Variants in NARS2 observed in about 807,000 individuals in gnomAD.
The protein encoded by NARS2 is asparaginyl-tRNA synthetase 2, mitochondrial.
A neutral mutation model predicts 62.9 loss-of-function variants in NARS2; 60 were observed. The ratio of observed to expected loss-of-function variants is 0.95; its 90% confidence interval spans 0.77 to 1.18. The LOEUF (loss-of-function observed/expected upper bound fraction) is 1.18, where lower values mean the gene tolerates loss of function less well. Among genes scored for constraint, NARS2 ranks in the 50% most tolerant of loss-of-function variants. The pLI, the probability that NARS2 is intolerant of heterozygous loss-of-function variation, is 0.00. For synonymous variants in NARS2, 196 were observed against 200.0 expected, an observed-to-expected ratio of 0.98 and a Z score of 0.17; for missense variants, 619 against 576.4, an observed-to-expected ratio of 1.07 and a Z score of -0.76.
chr11:78,542,393 A>C (rs1855653616), intron 5 of NARS2, among the ~76,000 whole-genome samples: 1 of 152,262 alleles, frequency 6.6e-6, no homozygotes, highest in South Asian at 2.1e-4. Context: ...CAGCAAACTT[A>C]TTCCTAAATG....
rs1222163214 is a variant in NARS2 at position 78,436,620 on chromosome 11, T to C, written c.*50A>G. The C allele has an allele frequency of 6.3e-6, 10 of 1,599,504 alleles. No homozygotes were observed. The highest frequency in any genetic ancestry group is 5.1e-5 in the Admixed American group (3 of 59,222). On this transcript the variant is annotated 3_prime_UTR_variant, in exon 14 of 14. Coordinates refer to ENST00000281038, the MANE Select transcript of NARS2 (RefSeq NM_024678.6). ...ATGCATTCTGCTGTATGCACAATCATGTGCAGTGTCTCTGCCATGGGGGGT... is the reference window on the plus strand; with the variant it reads ...ATGCATTCTGCTGTATGCACAATCACGTGCAGTGTCTCTGCCATGGGGGGT...
At position 78,566,289 on chromosome 11, in the gene NARS2, A is replaced by G. The variant is rs370341475; in HGVS notation, c.373-17T>C. 161 of 1,564,656 alleles carry G rather than the reference A, an allele frequency of 1.0e-4. No homozygotes were observed. Among genetic ancestry groups the G allele is most frequent in the Non-Finnish European group, 1.3e-4 (155 of 1,152,260 alleles). Reference sequence around the variant, plus strand: ...GGGGAAATCCTGCCAATAAATGAAAAGAACAAATTAGAAGTCAAAAGAGAT... The same window carrying G: ...GGGGAAATCCTGCCAATAAATGAAAGGAACAAATTAGAAGTCAAAAGAGAT... On this transcript the variant is annotated splice_polypyrimidine_tract_variant and intron_variant, in intron 3 of 13. Transcript: ENST00000281038.
chr11:78,549,058 A>C (rs1346713217), intron 5 of NARS2, among the ~76,000 whole-genome samples: 4 of 152,178 alleles, frequency 2.6e-5, no homozygotes, highest in Non-Finnish European at 5.9e-5. Flanking sequence ...TCTCACAGCC[A>C]CCTGTAGCTG....
Position 78,478,489 on chromosome 11 carries a change from CAAAA to C in NARS2, c.922-18_922-15del. The C allele has an allele frequency of 8.3e-7, 1 of 1,199,116 alleles. No individual in the cohort carries two copies. Among genetic ancestry groups the C allele is most frequent in the Non-Finnish European group, 1.1e-6 (1 of 875,640 alleles). 74.3% of individuals were successfully genotyped at this position (1,199,116 alleles called of 1,614,324 possible). On this transcript the variant is annotated splice_polypyrimidine_tract_variant and intron_variant, in intron 8 of 13. Transcript: ENST00000281038. ...TTCTAATCTGTCCTTAATAAAAAGA[CAAAA>C]AAGAAAATTTTAAAAATATAATTTT...
Position 78,574,472 on chromosome 11 carries a change from C to G in NARS2, c.17G>C (p.Cys6Ser), listed in dbSNP as rs779479776. Reference protein sequence around the residue: MLGVRCLLRSVRFCSS... With the variant: MLGVRSLLRSVRFCSS... ...ACAGAAGCGCACGGACCGCAGCAGG[C>G]AGCGGACCCCCAGCATCCCGCGTCC... The change falls in exon 1 of 14, where the codon TGC (cysteine) becomes TCC (serine). Residue 6 changes from cysteine to serine, a missense_variant. Coordinates refer to ENST00000281038, the MANE Select transcript of NARS2 (RefSeq NM_024678.6). 1.2e-6 allele frequency: 2 copies of G among 1,612,742 alleles called. No homozygotes were observed. The highest frequency in any genetic ancestry group is 8.5e-7 in the Non-Finnish European group (1 of 1,179,534).
intron 6 of NARS2, among the ~76,000 whole-genome samples, chr11:78,494,580 T>C (rs1415054685): frequency 6.6e-6 from 1 of 150,966 alleles, no homozygotes; most frequent in African/African-American, 2.4e-5. Flanking sequence ...TAAGACCCAA[T>C]TGGTAGAAGC....
At chr11:78,528,045 G>A (rs1861352179) in intron 6 of NARS2, among the ~76,000 whole-genome samples, 1 of 152,098 alleles carries the variant, frequency 6.6e-6, no homozygotes, top group Non-Finnish European at 1.5e-5. Flanking sequence ...TAGAGTTTGA[G>A]ATCAGCCTTG....
At chr11:78,549,178 T>C (rs888713868) in intron 5 of NARS2, among the ~76,000 whole-genome samples, 2 of 152,180 alleles carry the variant, frequency 1.3e-5, no homozygotes, top group African/African-American at 2.4e-5. Context: ...CTGAGAACAC[T>C]AGGGTCCTGA....
Position 78,574,439 on chromosome 11 carries a change from G to A in NARS2, c.50C>T (p.Ala17Val), listed in dbSNP as rs774098371. The A allele has an allele frequency of 1.8e-5, 29 of 1,614,150 alleles. No homozygotes were observed. Among genetic ancestry groups the A allele is most frequent in the Non-Finnish European group, 2.1e-5 (25 of 1,180,026 alleles). ...LLRSVRFCSS[A>V]PFPKHKPSAK... ...TGAAGGTTTGTGCTTGGGGAAGGGG[G>A]CGGAGGAACAGAAGCGCACGGACCG... The change falls in exon 1 of 14, where the codon GCC (alanine) becomes GTC (valine). Residue 17 changes from alanine (A) to valine (V), a missense_variant. Transcript: ENST00000281038.
chr11:78,559,238 G>T (rs1293085964), intron 5 of NARS2, among the ~76,000 whole-genome samples: 2 of 137,074 alleles, frequency 1.5e-5, no homozygotes, highest in Non-Finnish European at 1.5e-5. Context: ...TAGAGGCGGA[G>T]GTTGCAGTGA....
chr11:78,574,315 A>C, intron 1 of NARS2, 33 bp downstream of exon 1: 1 of 1,614,148 alleles, frequency 6.2e-7, no homozygotes, highest in South Asian at 1.1e-5. Context: ...AAGTCCCTAC[A>C]AGAAAAAACC....
At chr11:78,545,879 G>C (rs1464418073) in intron 5 of NARS2, among the ~76,000 whole-genome samples, 1 of 151,958 alleles carries the variant, frequency 6.6e-6, no homozygotes, top group African/African-American at 2.4e-5. Context: ...AGCTTTCCTT[G>C]ACCATCCAAT....
chr11:78,459,064 G>A lies in NARS2; in HGVS notation c.1164+6812C>T, dbSNP rs536528129. 4.6e-5 allele frequency among the ~76,000 whole-genome samples: 7 copies of A among 152,074 alleles called. No homozygotes were observed. In the South Asian group the frequency reaches 1.5e-3, roughly 32 times the overall value. ...TCCCGAGCTGGGACTACAGGTGCCT[G>A]CCACCATGCCTGGCTACTTTTTGTA... On this transcript the variant is annotated intron_variant, in intron 11 of 13. Coordinates refer to ENST00000281038, the MANE Select transcript of NARS2 (RefSeq NM_024678.6).
intron 4 of NARS2, among the ~76,000 whole-genome samples, chr11:78,564,359 C>T (rs1170164463): frequency 6.6e-6 from 1 of 151,700 alleles, no homozygotes; most frequent in Non-Finnish European, 1.5e-5. Flanking sequence ...CCATGCCTGG[C>T]TAATTATTTT....
At position 78,528,822 on chromosome 11, in the gene NARS2, G is replaced by T; in HGVS notation, c.689+20C>A. On this transcript the variant is annotated intron_variant, in intron 6 of 13. Coordinates refer to ENST00000281038, the MANE Select transcript of NARS2 (RefSeq NM_024678.6). ...CAAACCATAATATATCAAAGCAAAAGAGAAAGGAAAATTTCATACCCTGAC... is the reference window on the plus strand; with the variant it reads ...CAAACCATAATATATCAAAGCAAAATAGAAAGGAAAATTTCATACCCTGAC... 1 of 1,544,960 alleles carries T rather than the reference G, an allele frequency of 6.5e-7. No homozygotes were observed. The highest frequency in any genetic ancestry group is 1.1e-5 in the South Asian group (1 of 89,510).
chr11:78,559,746 A>C, intron 4 of NARS2, 127 bp from the exon 5 acceptor site: 1 of 620,862 alleles, frequency 1.6e-6, no homozygotes, highest in South Asian at 2.0e-5. Flanking sequence ...TAATCCCCTA[A>C]ATATTAAGAC....
chr11:78,470,882 ATT>A (rs67863152), intron 9 of NARS2, among the ~76,000 whole-genome samples: 20 of 135,158 alleles, frequency 1.5e-4, no homozygotes, highest in African/African-American at 4.1e-4. Context: ...AGTATTTTGG[ATT>A]TTTTTTTTTT....
chr11:78,445,908 C>T (rs1031830339), intron 11 of NARS2, among the ~76,000 whole-genome samples: 3 of 152,078 alleles, frequency 2.0e-5, no homozygotes, highest in African/African-American at 7.2e-5. Context: ...TACAGTCAGC[C>T]ATGATTATAC....
intron 6 of NARS2, among the ~76,000 whole-genome samples, chr11:78,497,875 CTTATCT>C (rs935406122): frequency 6.6e-6 from 1 of 152,094 alleles, no homozygotes; most frequent in Admixed American, 6.6e-5. Flanking sequence ...TCTAAAAATT[CTTATCT>C]TTATTGCCAA....
Sources: allele counts gnomAD v4.1 joint callset (sites outside exome capture counted in the v4.1 genomes callset), GRCh38; gene constraint gnomAD v4.1.1; transcripts MANE v1.5; gene names NCBI Gene and HGNC (gene_info 2026-07-23, HGNC 2026-07-21).